NBAS: variants seen among roughly 807,000 people sequenced by gnomAD.
The protein encoded by NBAS is NAG/BC035112 fusion.
A neutral mutation model predicts 302.5 loss-of-function variants in NBAS; 219 were observed. The observed-to-expected ratio is 0.72, with a 90% confidence interval of 0.65 to 0.81. The LOEUF is 0.81. Among genes scored for constraint, NBAS ranks in the 30% least tolerant of loss-of-function variants. The pLI is 0.00. For synonymous variants in NBAS, 1,118 were observed against 1,021.6 expected (o/e 1.09, Z -1.80); for missense variants, 2,932 against 2,841.6 (o/e 1.03, Z -0.72).
chr2:14,809,215 C>T, the NBAS span, among the ~76,000 whole-genome samples: 1 of 152,200 alleles, frequency 6.6e-6, no homozygotes, highest in Non-Finnish European at 1.5e-5. Flanking sequence ...GCATAAGTAA[C>T]AAGGAGCCAA....
the NBAS span, among the ~76,000 whole-genome samples, chr2:15,011,555 A>G: frequency 1.3e-5 from 2 of 152,234 alleles, no homozygotes; most frequent in South Asian, 4.2e-4. Context: ...GGGCCTGAGA[A>G]CTAGCCCTGC....
chr2:15,504,321 A>G, intron 10 of NBAS, 108 bp from the exon 11 acceptor site: 1 of 947,694 alleles, frequency 1.1e-6, no homozygotes, highest in Non-Finnish European at 1.7e-6. Context: ...TATTTTTTTA[A>G]TTGATTAAAG....
chr2:14,812,823 G>A, the NBAS span, among the ~76,000 whole-genome samples: 20 of 152,204 alleles, frequency 1.3e-4, no homozygotes, highest in Non-Finnish European at 1.3e-4. Context: ...CACCCAAATC[G>A]CGTGTTGATT....
the NBAS span, among the ~76,000 whole-genome samples, chr2:15,014,704 T>C: frequency 1.3e-5 from 2 of 151,780 alleles, no homozygotes; most frequent in Non-Finnish European, 2.9e-5. Flanking sequence ...ATATTTTAAA[T>C]AAACAACTTA....
At chr2:14,786,263 A>C in the NBAS span, among the ~76,000 whole-genome samples, 1 of 151,924 alleles carries the variant, frequency 6.6e-6, no homozygotes, top group African/African-American at 2.4e-5. Flanking sequence ...TGATCCTTTC[A>C]AAAAACCAGC....
At chr2:14,917,458 G>A in the NBAS span, among the ~76,000 whole-genome samples, 4 of 152,326 alleles carry the variant, frequency 2.6e-5, no homozygotes, top group Non-Finnish European at 4.4e-5. Flanking sequence ...ACATACTTTT[G>A]TAACCTAATC....
chr2:14,881,463 A>G, the NBAS span, among the ~76,000 whole-genome samples: 1 of 152,210 alleles, frequency 6.6e-6, no homozygotes, highest in Non-Finnish European at 1.5e-5. Flanking sequence ...CCCCACAACT[A>G]TGCAATTACT....
chr2:14,913,416 A>G, the NBAS span, among the ~76,000 whole-genome samples: 2 of 152,202 alleles, frequency 1.3e-5, no homozygotes, highest in African/African-American at 4.8e-5. Context: ...CCTTGACCAC[A>G]GGAGCCCATG....
intron 14 of NBAS, 33 bp from the exon 15 acceptor site, chr2:15,474,357 T>C (rs1410360005): frequency 1.9e-6 from 3 of 1,563,772 alleles, no homozygotes; most frequent in Non-Finnish European, 2.6e-6. Context: ...AAGTTAATAG[T>C]AAGGAAATAA....
chr2:15,130,626 A>T, the NBAS span, among the ~76,000 whole-genome samples: 9 of 152,348 alleles, frequency 5.9e-5, no homozygotes, highest in Admixed American at 5.9e-4. Flanking sequence ...AGGGCCCCCA[A>T]ACTGGAGAGC....
chr2:15,350,996 G>C (rs944117552), intron 35 of NBAS, among the ~76,000 whole-genome samples: 1 of 152,164 alleles, frequency 6.6e-6, no homozygotes, highest in Non-Finnish European at 1.5e-5. Flanking sequence ...ATATATGCCT[G>C]AGAGAACTGT....
chr2:15,143,878 A>G, the NBAS span, among the ~76,000 whole-genome samples: 3 of 151,662 alleles, frequency 2.0e-5, no homozygotes, highest in Non-Finnish European at 4.4e-5. Context: ...CTCCCAGCCT[A>G]CATCTTTCTC....
the NBAS span, among the ~76,000 whole-genome samples, chr2:14,822,607 G>A: frequency 6.6e-6 from 1 of 152,138 alleles, no homozygotes; most frequent in Non-Finnish European, 1.5e-5. Flanking sequence ...AAGATAGCAA[G>A]ACCCATGACA....
intron 44 of NBAS, among the ~76,000 whole-genome samples, chr2:15,243,806 G>A (rs779381117): frequency 3.9e-5 from 6 of 152,024 alleles, no homozygotes; most frequent in Non-Finnish European, 8.8e-5. Context: ...GAAATTCAGG[G>A]CCATACTGGG....
At chr2:14,835,806 C>T in the NBAS span, among the ~76,000 whole-genome samples, 9 of 151,990 alleles carry the variant, frequency 5.9e-5, no homozygotes, top group South Asian at 4.1e-4. Context: ...ATCTAACAGA[C>T]GTTTCTGTTG....
chr2:15,101,861 T>C, the NBAS span, among the ~76,000 whole-genome samples: 1 of 152,240 alleles, frequency 6.6e-6, no homozygotes, highest in Non-Finnish European at 1.5e-5. Context: ...CTTCAGTGAC[T>C]AATCTGAGGG....
the NBAS span, among the ~76,000 whole-genome samples, chr2:15,124,277 C>T: frequency 6.6e-5 from 10 of 152,140 alleles, no homozygotes; most frequent in Admixed American, 6.5e-4. Flanking sequence ...TGGATGCTGG[C>T]AAGGCTTATG....
chr2:15,471,318 T>G (rs1005506504), intron 16 of NBAS, among the ~76,000 whole-genome samples: 3 of 152,236 alleles, frequency 2.0e-5, no homozygotes, highest in Non-Finnish European at 4.4e-5. Flanking sequence ...CTCATGCTCT[T>G]TCACCTCTGA....
At chr2:14,964,047 T>A in the NBAS span, among the ~76,000 whole-genome samples, 1 of 152,240 alleles carries the variant, frequency 6.6e-6, no homozygotes, top group South Asian at 2.1e-4. Context: ...CTAAGCAACT[T>A]AGCTTATTCT....
Sources: allele counts gnomAD v4.1 joint callset (sites outside exome capture counted in the v4.1 genomes callset), GRCh38; gene constraint gnomAD v4.1.1; transcripts MANE v1.5; gene names NCBI Gene and HGNC (gene_info 2026-07-23, HGNC 2026-07-21).